Variants in CSMD2 observed in about 807,000 individuals in gnomAD.
CSMD2 encodes the protein CUB and Sushi multiple domains 2.
CSMD2 carries 130 observed loss-of-function variants against 398.5 expected under a neutral mutation model. The ratio of observed to expected loss-of-function variants is 0.33; its 90% CI spans 0.28 to 0.38. The LOEUF (loss-of-function observed/expected upper bound fraction) is 0.38. Among genes scored for constraint, CSMD2 ranks in the 10% least tolerant of loss-of-function variants. The pLI is 1.00. For synonymous variants in CSMD2, 1,828 were observed against 1,908.5 expected (o/e 0.96, Z 1.10); for missense variants, 3,829 against 4,764.9 (o/e 0.80, Z 5.78).
intron 40 of CSMD2, 66 bp downstream of exon 40, chr1:33,614,438 A>G (rs1641250019): frequency 1.1e-6 from 1 of 905,368 alleles, no homozygotes; most frequent in African/African-American, 1.6e-5. Flanking sequence ...ATTTTGGCGG[A>G]CAGTAGTTTT....
chr1:33,863,743 A>T (rs1639726688), intron 5 of CSMD2: 1 of 158,256 alleles, frequency 6.3e-6, no homozygotes. Context: ...GGCATCCTGA[A>T]AATCGTATAG....
Position 33,633,940 on chromosome 1 carries a change from CAGTT to C in CSMD2, c.5087-409_5087-406del, listed in dbSNP as rs1244509038. Among the ~76,000 whole-genome samples, 4 of 152,202 alleles carry C rather than the reference CAGTT, an allele frequency of 2.6e-5. No homozygotes were observed. The highest frequency in any genetic ancestry group is 1.9e-4 in the East Asian group (1 of 5,190). On this transcript the variant is annotated intron_variant, in intron 31 of 70. Transcript: ENST00000373381. The surrounding 1 kb of genome is among the most constrained non-coding windows in gnomAD (Gnocchi z 5.0). ...ACCCCACATTCATGCGTCCCAACGT[CAGTT>C]AGTCAGTGTCATTGAGTTGAAAACT...
In CSMD2 at chr1:33,541,173, G is replaced by A; in HGVS notation, c.9414C>T (p.Cys3138=). The A allele has an allele frequency of 1.2e-6, 2 of 1,614,124 alleles. No homozygotes were observed. Among genetic ancestry groups the A allele is most frequent in the Non-Finnish European group, 1.7e-6 (2 of 1,180,028 alleles). ...TTCCATTCCATGTCCGGTCCTTGGT[G>A]CAGCTCAGCACAGATACTCTATGTG... ...MESHRVSVLS[C]TKDRTWNGTK... Residue 3138 remains cysteine, a synonymous_variant, in exon 59 of 71, where the codon TGC becomes TGT. Transcript: ENST00000373381.
intron 3 of CSMD2, among the ~76,000 whole-genome samples, chr1:33,964,247 T>C (rs1645476213): frequency 6.6e-6 from 1 of 151,390 alleles, no homozygotes; most frequent in Non-Finnish European, 1.5e-5. Context: ...TTAACCTCTC[T>C]ATGTCTCAAT....
chr1:34,134,919 G>A (rs1638560932), intron 1 of CSMD2, among the ~76,000 whole-genome samples: 1 of 152,152 alleles, frequency 6.6e-6, no homozygotes, highest in Non-Finnish European at 1.5e-5. Flanking sequence ...GTTGGGAAAG[G>A]ATGGAGCAGT....
rs115616850 is a variant in CSMD2, at chr1:33,589,083, G to A, written c.6857-1915C>T. On this transcript the variant is annotated intron_variant, in intron 44 of 70. Coordinates refer to ENST00000373381, the MANE Select transcript of CSMD2 (RefSeq NM_001281956.2). ...ATAGACGCACTCGCTGAAATGTATC[G>A]TACTGAGAGATACGTAAGCTCTATG... 5.8e-3 allele frequency among the ~76,000 whole-genome samples: 888 copies of A among 152,294 alleles called. 9 individuals are homozygous for A. Among genetic ancestry groups the A allele is most frequent in the African/African-American group, 0.02 (828 of 41,558 alleles).
At chr1:33,911,895 T>C (rs886228023) in intron 5 of CSMD2, among the ~76,000 whole-genome samples, 3 of 152,200 alleles carry the variant, frequency 2.0e-5, no homozygotes, top group African/African-American at 4.8e-5. Flanking sequence ...CTATTTCTTC[T>C]TGGACTGTGT....
chr1:33,824,025 C>T (rs1160895640), intron 7 of CSMD2, among the ~76,000 whole-genome samples: 1 of 152,158 alleles, frequency 6.6e-6, no homozygotes, highest in African/African-American at 2.4e-5. Context: ...GATCTGGCAA[C>T]ACTCTTGGGA....
chr1:33,933,146 C>T lies in CSMD2; in HGVS notation c.712+2614G>A, dbSNP rs562292589. Among the ~76,000 whole-genome samples the T allele has an allele frequency of 1.5e-4, 23 of 152,312 alleles. 1 individual carries two copies. The South Asian group carries it at 2.9e-3, about 19-fold the overall frequency. ...CCATAAAGCCTGAACTACATGCAGA[C>T]GCCTTCGTTGATGTTTTTGTTTGTT... On this transcript the variant is annotated intron_variant, in intron 4 of 70. Transcript: ENST00000373381.
intron 10 of CSMD2, among the ~76,000 whole-genome samples, chr1:33,799,512 C>T (rs932719048): frequency 3.3e-5 from 5 of 152,184 alleles, no homozygotes; most frequent in African/African-American, 1.2e-4. Flanking sequence ...AATGTCCCTT[C>T]CTCCATTTAT....
At chr1:34,015,041 G>A (rs1350677272) in intron 3 of CSMD2, among the ~76,000 whole-genome samples, 2 of 152,182 alleles carry the variant, frequency 1.3e-5, no homozygotes, top group Non-Finnish European at 2.9e-5. Flanking sequence ...CAGTCTTCCA[G>A]GCATATTTCT....
intron 4 of CSMD2, among the ~76,000 whole-genome samples, chr1:33,921,949 G>A (rs556017185): frequency 2.6e-5 from 4 of 152,280 alleles, no homozygotes; most frequent in Admixed American, 1.3e-4. Context: ...AACTAGGCAG[G>A]GAGGAAAGAG....
chr1:33,949,867 T>G (rs1644949631), intron 3 of CSMD2, among the ~76,000 whole-genome samples: 1 of 152,192 alleles, frequency 6.6e-6, no homozygotes, highest in South Asian at 2.1e-4. Context: ...ACCCCAAGTC[T>G]TGCTACTTTC....
chr1:34,122,079 G>T (rs1662247431), intron 1 of CSMD2, among the ~76,000 whole-genome samples: 1 of 150,224 alleles, frequency 6.7e-6, no homozygotes, highest in Admixed American at 6.7e-5. Context: ...CAGTCTAGCA[G>T]AACAACGGTT....
chr1:33,522,138 T>C (rs1654364094), intron 67 of CSMD2, among the ~76,000 whole-genome samples: 1 of 152,172 alleles, frequency 6.6e-6, no homozygotes, highest in African/African-American at 2.4e-5. Flanking sequence ...ATGTGCAGTC[T>C]GGGGCCGCAG....
intron 1 of CSMD2, among the ~76,000 whole-genome samples, chr1:34,137,585 TG>T (rs1638882321): frequency 6.6e-6 from 1 of 152,150 alleles, no homozygotes; most frequent in Admixed American, 6.5e-5. Context: ...AACTCTAGCC[TG>T]GGGTGAAGCC....
At chr1:33,552,475 C>A (rs986601477) in intron 55 of CSMD2, among the ~76,000 whole-genome samples, 1 of 152,142 alleles carries the variant, frequency 6.6e-6, no homozygotes, top group Non-Finnish European at 1.5e-5. Flanking sequence ...CAGCATAATT[C>A]ATAATAGCTA....
intron 26 of CSMD2, among the ~76,000 whole-genome samples, chr1:33,659,433 C>T (rs1176032276): frequency 1.3e-5 from 2 of 152,206 alleles, no homozygotes; most frequent in African/African-American, 4.8e-5. Flanking sequence ...GCTCAGGGCA[C>T]TCTAGGGCAA....
chr1:33,757,267 C>A (rs1649169980), intron 13 of CSMD2, among the ~76,000 whole-genome samples: 1 of 151,960 alleles, frequency 6.6e-6, no homozygotes, highest in South Asian at 2.1e-4. Context: ...TGTAACTAAC[C>A]TGCACATTGT....
Sources: allele counts gnomAD v4.1 joint callset (sites outside exome capture counted in the v4.1 genomes callset), GRCh38; gene constraint gnomAD v4.1.1; non-coding constraint Gnocchi (gnomAD v3.1); transcripts MANE v1.5; gene names NCBI Gene and HGNC (gene_info 2026-07-23, HGNC 2026-07-21).